The following ATP2B4 variants were observed in gnomAD, a reference collection of about 807,000 sequenced individuals.
ATP2B4 encodes the protein plasma membrane calcium-transporting ATPase 4.
In ATP2B4, 39 loss-of-function variants were observed where a neutral mutation model predicts 110.3. That is an observed-to-expected ratio of 0.35 (90% CI 0.27 to 0.46). The LOEUF is 0.46. Among genes scored for constraint, ATP2B4 ranks in the 20% least tolerant of loss-of-function variants. The pLI, the probability that ATP2B4 is intolerant of heterozygous loss-of-function variation, is 1.00. For missense variants in ATP2B4, 1,135 were observed against 1,530.9 expected (o/e 0.74, Z 4.32); for synonymous variants, 538 against 571.7 (o/e 0.94, Z 0.84).
At chr1:203,681,919 T>A (rs1665025872) in intron 1 of ATP2B4, among the ~76,000 whole-genome samples, 1 of 121,528 alleles carries the variant, frequency 8.2e-6, no homozygotes, top group Non-Finnish European at 1.8e-5. Context: ...CAGAGGTCCT[T>A]CTGTCCCCTT....
At chr1:203,736,004 T>A (rs983284905) in intron 20 of ATP2B4, among the ~76,000 whole-genome samples, 3 of 152,192 alleles carry the variant, frequency 2.0e-5, no homozygotes, top group Non-Finnish European at 4.4e-5. Context: ...TCTCCAGCTG[T>A]GCCTTTTTAG....
chr1:203,706,228 C>T (rs1665845302), intron 8 of ATP2B4, among the ~76,000 whole-genome samples: 1 of 152,082 alleles, frequency 6.6e-6, no homozygotes, highest in South Asian at 2.1e-4. Context: ...GGGATTTTCT[C>T]AATTTTAGCA....
In ATP2B4 at chr1:203,714,261, A is replaced by G; in HGVS notation, c.2390A>G (p.Asp797Gly). The G allele has an allele frequency of 6.2e-7, 1 of 1,614,022 alleles. No homozygotes were observed. Among genetic ancestry groups the G allele is most frequent in the East Asian group, 2.2e-5 (1 of 44,872 alleles). Residue 797 changes from aspartate to glycine, a missense_variant, in exon 15 of 21, where the codon GAT (aspartate) becomes GGT (glycine). Asp to Gly is a moderately conservative substitution (Grantham distance 94). Around this residue, in one of 9 missense-constraint regions of ATP2B4, gnomAD observed 70 missense variants for 142.4 expected, o/e 0.49. Transcript: ENST00000357681. ...GACGGGCCTGCTCTGAAGAAAGCGG[A>G]TGTTGGTTTTGCCATGGTAAGCTCA... ...TNDGPALKKA[D>G]VGFAMGIAGT...
chr1:203,739,471 C>T, intron 20 of ATP2B4, 75 bp from the exon 21 acceptor site: 1 of 1,454,592 alleles, frequency 6.9e-7, no homozygotes, highest in Non-Finnish European at 9.4e-7. Context: ...TCTCCTAAAT[C>T]CACCATCTCC....
intron 19 of ATP2B4, 97 bp downstream of exon 19, chr1:203,724,085 T>A: frequency 1.0e-6 from 1 of 991,450 alleles, no homozygotes; most frequent in East Asian, 2.7e-5. Context: ...ACCCCCCAGC[T>A]CCTCATCTTC....
intron 6 of ATP2B4, 85 bp downstream of exon 6, chr1:203,701,008 C>A: frequency 6.8e-7 from 1 of 1,474,686 alleles, no homozygotes. Flanking sequence ...GGATAGAAAG[C>A]ATGGTTGGAA....
intron 1 of ATP2B4, among the ~76,000 whole-genome samples, chr1:203,639,946 G>A (rs1282477036): frequency 6.6e-6 from 1 of 152,170 alleles, no homozygotes; most frequent in African/African-American, 2.4e-5. Context: ...CAGAGGCAAT[G>A]TGGTATAAAG....
intron 1 of ATP2B4, among the ~76,000 whole-genome samples, chr1:203,653,054 G>A (rs1198103341): frequency 6.6e-6 from 1 of 152,154 alleles, no homozygotes; most frequent in Non-Finnish European, 1.5e-5. Context: ...GCCAAGCTGT[G>A]AATAAAGGAA....
intron 6 of ATP2B4, among the ~76,000 whole-genome samples, chr1:203,701,291 G>T (rs959623127): frequency 1.3e-5 from 2 of 152,194 alleles, no homozygotes; most frequent in African/African-American, 4.8e-5. Flanking sequence ...AAGATGGGGG[G>T]TTAAACGAAC....
chr1:203,727,705 T>A lies in ATP2B4; in HGVS notation c.3309+134T>A, dbSNP rs1381462491. 3 of 1,105,346 alleles carry A rather than the reference T, an allele frequency of 2.7e-6. No individual in the cohort carries two copies. In the Admixed American group the frequency reaches 8.2e-5, roughly 30 times the overall value. 68.5% of individuals were successfully genotyped at this position (1,105,346 alleles called of 1,614,324 possible). A position where few individuals can be genotyped will look rare whatever the true frequency, so the allele number is the denominator to read the frequency against. ...CTCACTACTGATGGGCAGCCCTAGA[T>A]CCTCAGCTTCAGGACAGACACGCAA... On this transcript the variant is annotated intron_variant, in intron 20 of 20. Coordinates refer to ENST00000357681, the MANE Select transcript of ATP2B4 (RefSeq NM_001684.5).
At chr1:203,735,288 G>A (rs188160962) in intron 20 of ATP2B4, among the ~76,000 whole-genome samples, 22 of 152,302 alleles carry the variant, frequency 1.4e-4, no homozygotes, top group African/African-American at 5.3e-4. Flanking sequence ...GTTCCCATTG[G>A]TAGATTCTTG....
intron 1 of ATP2B4, among the ~76,000 whole-genome samples, chr1:203,654,560 A>G (rs971340439): frequency 6.6e-5 from 10 of 151,990 alleles, no homozygotes; most frequent in Non-Finnish European, 1.5e-4. Flanking sequence ...TGAATTGAAA[A>G]CCTCTGGAAA....
At chr1:203,677,266 T>C (rs1161254458) in intron 1 of ATP2B4, among the ~76,000 whole-genome samples, 1 of 152,138 alleles carries the variant, frequency 6.6e-6, no homozygotes, top group East Asian at 1.9e-4. Flanking sequence ...AATTTCTAAT[T>C]TTCATATGAA....
At chr1:203,654,888 A>C (rs956160758) in intron 1 of ATP2B4, among the ~76,000 whole-genome samples, 2 of 52,276 alleles carry the variant, frequency 3.8e-5, no homozygotes, top group Non-Finnish European at 7.4e-5. Flanking sequence ...CCTCGTCTGG[A>C]AAAAAAAAAA....
Position 203,727,535 on chromosome 1 carries a change from C to A in ATP2B4, c.3273C>A (p.Ile1091=). ...AGATGGAGCTGCGCCGAGGCCAGATCCTCTGGTTCCGGGGCCTGAACCGTA... is the reference window on the plus strand; with the variant it reads ...AGATGGAGCTGCGCCGAGGCCAGATACTCTGGTTCCGGGGCCTGAACCGTA... ...HAEMELRRGQ[I]LWFRGLNRIQ... is the part of the protein sequence containing the mutation. Residue 1091 remains isoleucine, a synonymous_variant, in exon 20 of 21, where the codon ATC becomes ATA. Coordinates refer to ENST00000357681, the MANE Select transcript of ATP2B4 (RefSeq NM_001684.5). 1.9e-6 allele frequency: 3 copies of A among 1,614,108 alleles called. No individual in the cohort carries two copies. The highest frequency in any genetic ancestry group is 2.5e-6 in the Non-Finnish European group (3 of 1,179,988).
In ATP2B4 at chr1:203,699,710, C is replaced by G; in HGVS notation, c.642C>G (p.Val214=). The G allele has an allele frequency of 1.2e-6, 2 of 1,613,874 alleles. No homozygotes were observed. The highest frequency in any genetic ancestry group is 1.1e-5 in the South Asian group (1 of 91,020). Residue 214 remains valine (V), a synonymous_variant, in exon 4 of 21, where the codon GTC becomes GTG. Transcript: ENST00000357681. ...AEIVVGDIAQ[V]KYGDLLPADG... ...TTGTGGTTGGTGATATTGCCCAAGTCAAATACGGTGAGAGCTCCGTGTTTC... is the reference window on the plus strand; with the variant it reads ...TTGTGGTTGGTGATATTGCCCAAGTGAAATACGGTGAGAGCTCCGTGTTTC...
chr1:203,647,992 T>G (rs1357147269), intron 1 of ATP2B4, among the ~76,000 whole-genome samples: 1 of 152,124 alleles, frequency 6.6e-6, no homozygotes, highest in East Asian at 1.9e-4. Flanking sequence ...GCAGGCCAAC[T>G]TGTGTTTGAA....
chr1:203,719,870 T>C (rs1174423354), intron 15 of ATP2B4, among the ~76,000 whole-genome samples: 1 of 152,042 alleles, frequency 6.6e-6, no homozygotes, highest in African/African-American at 2.4e-5. Context: ...ATAATAGTAA[T>C]TATAAAGCTG....
chr1:203,684,490 G>C (rs904740579), intron 2 of ATP2B4, among the ~76,000 whole-genome samples: 1 of 151,724 alleles, frequency 6.6e-6, no homozygotes, highest in Non-Finnish European at 1.5e-5. Context: ...TAGGCAGTTG[G>C]GACTACAGGT....
Sources: gnomAD v4.1 joint callset for allele counts (sites outside exome capture counted in the v4.1 genomes callset) on GRCh38, gnomAD v4.1.1 for gene constraint, gnomAD v4.1.1 regional missense constraint, MANE v1.5 for transcripts, NCBI Gene and HGNC (gene_info 2026-07-23, HGNC 2026-07-21) for gene names.